Variants in AP2A2 observed in about 807,000 individuals in gnomAD.
AP2A2 encodes AP-2 complex subunit alpha-2.
A neutral mutation model predicts 104.2 loss-of-function variants in AP2A2; 32 were observed. The observed-to-expected ratio is 0.31, with a 90% CI of 0.23 to 0.41. The LOEUF (loss-of-function observed/expected upper bound fraction) is 0.41. AP2A2 is among the 10% of genes least tolerant of loss of function. AP2A2 has a pLI of 1.00. For missense variants in AP2A2, 912 were observed against 1,261.0 expected (o/e 0.72, Z 4.19); for synonymous variants, 539 against 533.3 (o/e 1.01, Z -0.15).
rs1352093424 is a variant in AP2A2 at position 992,503 on chromosome 11, G to A, written c.1270G>A (p.Val424Met). Residue 424 changes from valine (V) to methionine (M), a missense_variant and splice_region_variant, in exon 11 of 22, where the codon GTG becomes ATG. Val to Met is a conservative substitution (Grantham distance 21). Coordinates refer to ENST00000448903, the MANE Select transcript of AP2A2 (RefSeq NM_012305.4). This position sits in a 1 kb window ranked among gnomAD's most constrained non-coding sequence, Gnocchi z 6.4. ...GCCCTCAGCAGCCTGTCCCCCACAGGTGCTGAAGGTCGCCATCCTGGCTGA... is the reference window on the plus strand; with the variant it reads ...GCCCTCAGCAGCCTGTCCCCCACAGATGCTGAAGGTCGCCATCCTGGCTGA... ...TADYSIREEI[V>M]LKVAILAEKY... 1 of 1,583,708 alleles carries A rather than the reference G, an allele frequency of 6.3e-7. No individual in the cohort carries two copies. The highest frequency in any genetic ancestry group is 1.7e-4 in the Middle Eastern group (1 of 6,022).
chr11:989,652 A>G (rs1855581546), intron 10 of AP2A2, among the ~76,000 whole-genome samples: 1 of 152,234 alleles, frequency 6.6e-6, no homozygotes, highest in Non-Finnish European at 1.5e-5. Context: ...AAGCTCATCA[A>G]ACCTGTACGT....
At chr11:969,308 G>T (rs528848597) in intron 2 of AP2A2, among the ~76,000 whole-genome samples, 33 of 130,486 alleles carry the variant, frequency 2.5e-4, no homozygotes, top group African/African-American at 9.2e-4. Context: ...TTGGCTCACC[G>T]CAACCTCCGC....
chr11:988,106 T>C (rs1855524341), intron 9 of AP2A2, among the ~76,000 whole-genome samples: 1 of 152,248 alleles, frequency 6.6e-6, no homozygotes, highest in Admixed American at 6.5e-5. Flanking sequence ...TTTCTCGTGC[T>C]GCAGAGCCTC....
chr11:984,582 T>C, intron 6 of AP2A2, 63 bp from the exon 7 acceptor site: 1 of 1,373,114 alleles, frequency 7.3e-7, no homozygotes, highest in South Asian at 1.2e-5. Context: ...TGGCTTTTCT[T>C]TGGGTCCCCG....
Position 928,856 on chromosome 11 carries a change from C to T in AP2A2, c.67+2768C>T, listed in dbSNP as rs114544502. On this transcript the variant is annotated intron_variant, in intron 1 of 21. Coordinates refer to ENST00000448903, the MANE Select transcript of AP2A2 (RefSeq NM_012305.4). Reference sequence around the variant, plus strand: ...CAGCTGCAGCGCCCACCATTCTCCTCCTGGGCAGTGTCTTCAGCTTGTGGT... The same window carrying T: ...CAGCTGCAGCGCCCACCATTCTCCTTCTGGGCAGTGTCTTCAGCTTGTGGT... Among the ~76,000 whole-genome samples the T allele has an allele frequency of 7.9e-3, 1,200 of 152,290 alleles. 24 individuals carry two copies. The highest frequency in any genetic ancestry group is 0.028 in the African/African-American group (1,146 of 41,576).
chr11:947,524 G>A (rs1439544196), intron 1 of AP2A2, among the ~76,000 whole-genome samples: 1 of 152,128 alleles, frequency 6.6e-6, no homozygotes, highest in Non-Finnish European at 1.5e-5. Flanking sequence ...GGCTGGGCGC[G>A]GTGGCTCACA....
intron 1 of AP2A2, chr11:941,015 G>A (rs977123744): frequency 2.4e-6 from 1 of 418,270 alleles, no homozygotes; most frequent in African/African-American, 2.1e-5. Context: ...ACACTCCGTG[G>A]AGCTCGGAGC....
Position 925,920 on chromosome 11 carries a change from C to A in AP2A2, c.-102C>A, listed in dbSNP as rs1853102251. 2.2e-6 allele frequency: 2 copies of A among 890,414 alleles called. No homozygotes were observed. The highest frequency in any genetic ancestry group is 1.8e-5 in the African/African-American group (1 of 56,074). 55.2% of individuals were successfully genotyped at this position (890,414 alleles called of 1,614,324 possible). On this transcript the variant is annotated 5_prime_UTR_variant, in exon 1 of 22. Transcript: ENST00000448903. ...CGGCCGTGGTTAGGCGGCTCCCCGGCGGCTCCTCCGCGGCGGTGACGGCGA... is the reference window on the plus strand; with the variant it reads ...CGGCCGTGGTTAGGCGGCTCCCCGGAGGCTCCTCCGCGGCGGTGACGGCGA...
intron 1 of AP2A2, among the ~76,000 whole-genome samples, chr11:928,475 A>G (rs2134444639): frequency 6.6e-6 from 1 of 152,346 alleles, no homozygotes; most frequent in South Asian, 2.1e-4. Context: ...GCTGTACTCT[A>G]TAAAATACTT....
intron 1 of AP2A2, among the ~76,000 whole-genome samples, chr11:954,989 C>T (rs575459027): frequency 1.3e-5 from 2 of 152,114 alleles, no homozygotes; most frequent in African/African-American, 4.8e-5. Context: ...TTTCTCCTGC[C>T]CCCAGGTTTT....
intron 5 of AP2A2, among the ~76,000 whole-genome samples, chr11:979,124 G>C (rs553594807): frequency 6.6e-6 from 1 of 151,776 alleles, no homozygotes; most frequent in Non-Finnish European, 1.5e-5. Context: ...CACGTGTCGC[G>C]GGCCTGAGTG....
At chr11:995,833 G>GC (rs1855839680) in intron 14 of AP2A2, among the ~76,000 whole-genome samples, 1 of 89,702 alleles carries the variant, frequency 1.1e-5, no homozygotes, top group Non-Finnish European at 2.4e-5. Context: ...ACGCTGCTGT[G>GC]CCCGCCATCT....
At chr11:979,695 G>C (rs1855175208) in intron 5 of AP2A2, among the ~76,000 whole-genome samples, 1 of 152,184 alleles carries the variant, frequency 6.6e-6, no homozygotes, top group Non-Finnish European at 1.5e-5. Context: ...CCGAGTAGCT[G>C]GGATTACAGG....
rs532594367 is a variant in AP2A2, at chr11:994,243, G to A, written c.1954G>A (p.Val652Met). ...GCCTGCCCCAGCCAGTACCAGCGCC[G>A]TGGTGGGTCCCTCACCTACTGTGCA... Reference protein sequence around the residue: ...PEPAPASTSAVSTPSPSADLL... With the variant: ...PEPAPASTSAMSTPSPSADLL... The change falls in exon 14 of 22, where the codon GTG (valine) becomes ATG (methionine). Residue 652 changes from valine to methionine, a missense_variant and splice_region_variant. Physicochemically the swap from Val to Met is conservative, Grantham distance 21 (BLOSUM62 1). Coordinates refer to ENST00000448903, the MANE Select transcript of AP2A2 (RefSeq NM_012305.4). 3.1e-5 allele frequency: 50 copies of A among 1,612,774 alleles called. No homozygotes were observed. Among genetic ancestry groups the A allele is most frequent in the East Asian group, 6.7e-5 (3 of 44,886 alleles).
In AP2A2 at chr11:968,456, C is replaced by G. The variant is rs983815103; in HGVS notation, c.137-1713C>G. Among the ~76,000 whole-genome samples, 2 of 152,146 alleles carry G rather than the reference C, an allele frequency of 1.3e-5. No individual in the cohort carries two copies. Among genetic ancestry groups the G allele is most frequent in the Admixed American group, 6.5e-5 (1 of 15,270 alleles). ...TTCCCATCCCCGTCTCCATCCCCGT[C>G]CCCATCCCTGTCCCACAAAACTCAG... On this transcript the variant is annotated intron_variant, in intron 2 of 21. Transcript: ENST00000448903. This position sits in a 1 kb window ranked among gnomAD's most constrained non-coding sequence, Gnocchi z 4.2.
chr11:963,568 CT>C lies in AP2A2; in HGVS notation c.136+4064del, dbSNP rs1854511610. Among the ~76,000 whole-genome samples the C allele has an allele frequency of 2.0e-5, 3 of 152,328 alleles. No individual in the cohort carries two copies. In the South Asian group the frequency reaches 6.2e-4, roughly 32 times the overall value. On this transcript the variant is annotated intron_variant, in intron 2 of 21. Coordinates refer to ENST00000448903, the MANE Select transcript of AP2A2 (RefSeq NM_012305.4). ...CTCACTGACCGCATGTGGCATGAGGCTGCTGTGTGAGCACTGCTGATTTAGA... is the reference window on the plus strand; with the variant it reads ...CTCACTGACCGCATGTGGCATGAGGCGCTGTGTGAGCACTGCTGATTTAGA...
chr11:986,440 G>C (rs1420514939), intron 8 of AP2A2, among the ~76,000 whole-genome samples: 1 of 152,246 alleles, frequency 6.6e-6, no homozygotes, highest in East Asian at 1.9e-4. Flanking sequence ...GCCCTGGGCT[G>C]GTGCCTCTGG....
intron 8 of AP2A2, 124 bp downstream of exon 8, chr11:985,706 T>C: frequency 7.4e-7 from 1 of 1,360,366 alleles, no homozygotes; most frequent in Non-Finnish European, 1.0e-6. Flanking sequence ...TCGTCCTGCC[T>C]CTGTGCTCCC....
At chr11:971,143 C>T (rs1854813740) in intron 3 of AP2A2, among the ~76,000 whole-genome samples, 1 of 152,086 alleles carries the variant, frequency 6.6e-6, no homozygotes, top group Admixed American at 6.6e-5. Flanking sequence ...GGGGATTAGC[C>T]TTGAGGACGG....
Sources: allele counts gnomAD v4.1 joint callset (sites outside exome capture counted in the v4.1 genomes callset), GRCh38; gene constraint gnomAD v4.1.1; non-coding constraint Gnocchi (gnomAD v3.1); transcripts MANE v1.5; gene names NCBI Gene and HGNC (gene_info 2026-07-23, HGNC 2026-07-21).